Variants in PCCA observed in about 807,000 individuals in gnomAD.
PCCA encodes the protein propionyl-CoA carboxylase alpha chain, mitochondrial.
PCCA carries 74 observed loss-of-function variants against 101.3 expected under a neutral mutation model. The observed-to-expected ratio is 0.73, with a 90% CI of 0.61 to 0.89. The LOEUF (loss-of-function observed/expected upper bound fraction) is 0.89, where lower values mean the gene tolerates loss of function less well. Among genes scored for constraint, PCCA ranks in the 40% least tolerant of loss-of-function variants. The pLI is 0.00. For missense variants in PCCA, 891 were observed against 907.0 expected (o/e 0.98, Z 0.23); for synonymous variants, 294 against 313.6 (o/e 0.94, Z 0.66).
intron 6 of PCCA, among the ~76,000 whole-genome samples, chr13:100,174,556 C>T (rs367964939): frequency 4.7e-5 from 7 of 149,618 alleles, no homozygotes; most frequent in East Asian, 2.0e-4. Context: ...GGCGAAACCC[C>T]GTCCCTACTA....
At chr13:100,128,664 G>A (rs1479048953) in intron 4 of PCCA, among the ~76,000 whole-genome samples, 1 of 152,166 alleles carries the variant, frequency 6.6e-6, no homozygotes, top group Admixed American at 6.5e-5. Context: ...CTACTATAGA[G>A]TTCTTGCTAG....
At chr13:100,121,674 C>T (rs2152303610) in intron 4 of PCCA, among the ~76,000 whole-genome samples, 1 of 152,038 alleles carries the variant, frequency 6.6e-6, no homozygotes, top group African/African-American at 2.4e-5. Context: ...TGGAGTTTCA[C>T]CACGTTGACC....
intron 4 of PCCA, among the ~76,000 whole-genome samples, chr13:100,131,588 G>A (rs572785669): frequency 4.3e-4 from 66 of 152,238 alleles, no homozygotes; most frequent in African/African-American, 1.4e-3. Flanking sequence ...GGAAACGGGT[G>A]GTGGCGATGG....
chr13:100,310,129 T>G (rs1407924688), intron 16 of PCCA, among the ~76,000 whole-genome samples: 1 of 152,226 alleles, frequency 6.6e-6, no homozygotes, highest in Non-Finnish European at 1.5e-5. Context: ...AACATATATA[T>G]TACTCTATAT....
At chr13:100,345,357 A>G (rs1442228164) in intron 18 of PCCA, among the ~76,000 whole-genome samples, 1 of 152,246 alleles carries the variant, frequency 6.6e-6, no homozygotes, top group East Asian at 1.9e-4. Context: ...TATTGCTGAT[A>G]TGGAGAAAGT....
intron 4 of PCCA, among the ~76,000 whole-genome samples, chr13:100,126,054 T>C (rs1386433112): frequency 6.6e-6 from 1 of 152,192 alleles, no homozygotes; most frequent in Non-Finnish European, 1.5e-5. Context: ...GGACAGGCAA[T>C]GAGTTAATCA....
intron 23 of PCCA, among the ~76,000 whole-genome samples, chr13:100,528,272 A>AT (rs1235162035): frequency 6.6e-6 from 1 of 152,180 alleles, no homozygotes; most frequent in African/African-American, 2.4e-5. Context: ...ACTTAAGTGT[A>AT]TTTTTTTCTT....
intron 2 of PCCA, among the ~76,000 whole-genome samples, chr13:100,109,347 G>C (rs747893641): frequency 8.5e-5 from 13 of 152,166 alleles, no homozygotes; most frequent in Non-Finnish European, 1.9e-4. Flanking sequence ...TGGGTGGCTT[G>C]GCTGCAGACT....
intron 21 of PCCA, among the ~76,000 whole-genome samples, chr13:100,511,249 C>T (rs1334134690): frequency 2.6e-5 from 4 of 152,076 alleles, no homozygotes; most frequent in Admixed American, 2.0e-4. Flanking sequence ...TTTTGCATTT[C>T]GCGCTTTCCA....
At chr13:100,493,936 A>G (rs1209775948) in intron 21 of PCCA, among the ~76,000 whole-genome samples, 1 of 152,180 alleles carries the variant, frequency 6.6e-6, no homozygotes, top group African/African-American at 2.4e-5. Context: ...CACGCCTGTA[A>G]TCTCAGCACT....
intron 8 of PCCA, among the ~76,000 whole-genome samples, chr13:100,238,321 C>T (rs943313780): frequency 1.3e-5 from 2 of 152,182 alleles, no homozygotes; most frequent in Non-Finnish European, 2.9e-5. Flanking sequence ...GTTCTCATCA[C>T]TTTGCTTTCC....
At chr13:100,156,827 T>G (rs1292823195) in intron 5 of PCCA, among the ~76,000 whole-genome samples, 1 of 152,242 alleles carries the variant, frequency 6.6e-6, no homozygotes, top group African/African-American at 2.4e-5. Flanking sequence ...TCGTGAGTAC[T>G]GTAAAGAAAG....
At chr13:100,524,373 T>TTGTGTGTGTGTG in intron 22 of PCCA, among the ~76,000 whole-genome samples, 1 of 32,272 alleles carries the variant, frequency 3.1e-5, no homozygotes, top group South Asian at 2.5e-3. Flanking sequence ...TCAATTAAGC[T>TTGTGTGTGTGTG]CGTGTGTGTG....
intron 19 of PCCA, among the ~76,000 whole-genome samples, chr13:100,420,433 A>G (rs1045614952): frequency 3.3e-5 from 5 of 151,974 alleles, no homozygotes; most frequent in Admixed American, 3.3e-4. Flanking sequence ...AAATATATAA[A>G]TCTGGAGGTG....
At chr13:100,418,313 C>G (rs2078515966) in intron 19 of PCCA, among the ~76,000 whole-genome samples, 1 of 152,146 alleles carries the variant, frequency 6.6e-6, no homozygotes, top group African/African-American at 2.4e-5. Context: ...CTGGTCAGGG[C>G]CAGCTGAGCA....
chr13:100,332,745 A>G (rs893434554), intron 17 of PCCA, among the ~76,000 whole-genome samples: 14 of 152,190 alleles, frequency 9.2e-5, no homozygotes, highest in Non-Finnish European at 2.9e-5. Flanking sequence ...GATGCATATA[A>G]TATATTACAT....
intron 13 of PCCA, among the ~76,000 whole-genome samples, 164 bp from the exon 14 acceptor site, chr13:100,302,760 A>C (rs968231721): frequency 1.3e-5 from 2 of 152,182 alleles, no homozygotes; most frequent in Non-Finnish European, 2.9e-5. Flanking sequence ...AGTACATTCT[A>C]AGTTGTCTAG....
chr13:100,261,722 A>G (rs2062536969), intron 9 of PCCA, among the ~76,000 whole-genome samples: 1 of 152,224 alleles, frequency 6.6e-6, no homozygotes, highest in African/African-American at 2.4e-5. Flanking sequence ...AACAAAATAT[A>G]TAAAGCAATA....
intron 20 of PCCA, among the ~76,000 whole-genome samples, chr13:100,433,069 T>C (rs1373440596): frequency 6.6e-6 from 1 of 152,270 alleles, no homozygotes; most frequent in Non-Finnish European, 1.5e-5. Context: ...GTTTCTACCT[T>C]TTGGCTGCTG....
Sources: allele counts gnomAD v4.1 joint callset (sites outside exome capture counted in the v4.1 genomes callset), GRCh38; gene constraint gnomAD v4.1.1; transcripts MANE v1.5; gene names NCBI Gene and HGNC (gene_info 2026-07-23, HGNC 2026-07-21).